The following CDK17 variants were observed in gnomAD, a reference collection of about 807,000 sequenced individuals.
CDK17 encodes the protein cyclin dependent kinase 17.
Under a neutral mutation model 77.6 loss-of-function variants are expected in CDK17, and 24 were observed. The observed-to-expected ratio is 0.31, with a 90% CI of 0.22 to 0.44. CDK17 has a LOEUF of 0.44. Among genes scored for constraint, CDK17 ranks in the 20% least tolerant of loss-of-function variants. The pLI, the probability that CDK17 is intolerant of heterozygous loss-of-function variation, is 1.00. For missense variants in CDK17, 429 were observed against 622.5 expected (o/e 0.69, Z 3.31); for synonymous variants, 203 against 210.4 (o/e 0.96, Z 0.30).
intron 1 of CDK17, among the ~76,000 whole-genome samples, chr12:96,392,090 A>G (rs1175307109): frequency 6.6e-6 from 1 of 152,242 alleles, no homozygotes; most frequent in Non-Finnish European, 1.5e-5. Context: ...ACGCCAGCCA[A>G]AAGAGGGAGA....
chr12:96,368,628 A>T (rs1425199116), intron 1 of CDK17, among the ~76,000 whole-genome samples: 2 of 152,132 alleles, frequency 1.3e-5, no homozygotes, highest in Non-Finnish European at 2.9e-5. Flanking sequence ...CTAAGTAGGA[A>T]ATATCCTCCT....
chr12:96,289,328 T>A (rs767157555), intron 10 of CDK17, 41 bp from the exon 11 acceptor site: 1 of 1,611,482 alleles, frequency 6.2e-7, no homozygotes, highest in East Asian at 2.2e-5. Context: ...GAAAAAGCTT[T>A]AATGGATCTC....
At chr12:96,305,082 G>T (rs1163834960) in intron 5 of CDK17, among the ~76,000 whole-genome samples, 2 of 152,160 alleles carry the variant, frequency 1.3e-5, no homozygotes, top group Admixed American at 1.3e-4. Context: ...TACCATTATC[G>T]TAAGGGCAAG....
chr12:96,364,356 A>C (rs781681992), intron 1 of CDK17, among the ~76,000 whole-genome samples: 1 of 152,194 alleles, frequency 6.6e-6, no homozygotes, highest in African/African-American at 2.4e-5. Flanking sequence ...TGGCCACACC[A>C]TTTTGTATTC....
intron 5 of CDK17, among the ~76,000 whole-genome samples, chr12:96,307,594 G>C (rs1952592338): frequency 6.6e-6 from 1 of 152,118 alleles, no homozygotes; most frequent in South Asian, 2.1e-4. Flanking sequence ...GTCTTGGCCA[G>C]GCACAGTGGC....
chr12:96,357,581 G>T (rs183099097), intron 1 of CDK17, among the ~76,000 whole-genome samples: 21 of 152,240 alleles, frequency 1.4e-4, no homozygotes, highest in Admixed American at 1.3e-3. Context: ...ACTACAGAAA[G>T]GTTATAGTAG....
Position 96,280,188 on chromosome 12 carries a change from G to A in CDK17, c.*54C>T. ...AAGAAATAATTGCCTTCAGTTCTGA[G>A]TCCTTGATTGGTAAGAAAGGCTGGG... On this transcript the variant is annotated 3_prime_UTR_variant, in exon 17 of 17. Transcript: ENST00000261211. The A allele has an allele frequency of 1.3e-6, 2 of 1,533,344 alleles. No homozygotes were observed. Among genetic ancestry groups the A allele is most frequent in the Non-Finnish European group, 8.8e-7 (1 of 1,133,904 alleles). The allele number at this position is 1,533,344 out of a possible 1,614,324, so 95.0% of individuals were successfully genotyped here. A position where few individuals can be genotyped will look rare whatever the true frequency, so the allele number is the denominator to read the frequency against.
intron 1 of CDK17, among the ~76,000 whole-genome samples, chr12:96,344,996 G>A (rs992805372): frequency 6.6e-6 from 1 of 152,112 alleles, no homozygotes; most frequent in Non-Finnish European, 1.5e-5. Flanking sequence ...TCCTCCGACA[G>A]GCCTCAGTTA....
rs376726646 is a variant in CDK17 at position 96,331,807 on chromosome 12, C to G, written c.118+2912G>C. On this transcript the variant is annotated intron_variant, in intron 2 of 16. Transcript: ENST00000261211. ...TCTGGATCTAGAGTATGCATGAGAG[C>G]CATGTGCCTAGATATGCAAGAGTAA... 2.8e-4 allele frequency among the ~76,000 whole-genome samples: 43 copies of G among 152,156 alleles called. 1 individual carries two copies. The highest frequency in any genetic ancestry group is 9.9e-4 in the African/African-American group (41 of 41,500).
intron 2 of CDK17, among the ~76,000 whole-genome samples, chr12:96,332,757 A>G (rs958523658): frequency 6.6e-6 from 1 of 152,212 alleles, no homozygotes; most frequent in African/African-American, 2.4e-5. Flanking sequence ...TAGATCGCCT[A>G]TTTGCCCTTA....
chr12:96,325,265 A>C (rs1952877813), intron 2 of CDK17, among the ~76,000 whole-genome samples: 1 of 152,212 alleles, frequency 6.6e-6, no homozygotes. Context: ...TGTAGCTAAC[A>C]ATCAGGCATA....
rs139105616 is a variant in CDK17 at position 96,315,124 on chromosome 12, T to G, written c.284-1670A>C. 5.2e-3 allele frequency among the ~76,000 whole-genome samples: 790 copies of G among 152,366 alleles called. 6 individuals are homozygous for G. The highest frequency in any genetic ancestry group is 7.7e-3 in the Non-Finnish European group (524 of 68,032). The stretch of plus-strand genomic sequence containing the variant: ...GGAATGGCCTAGATAACTAGATCTC[T>G]TTTTCAAATAAAGTTATATAAAATA... On this transcript the variant is annotated intron_variant, in intron 3 of 16. Transcript: ENST00000261211.
intron 1 of CDK17, among the ~76,000 whole-genome samples, chr12:96,351,929 CCAGA>C (rs1403706729): frequency 3.3e-5 from 5 of 152,028 alleles, no homozygotes; most frequent in African/African-American, 9.7e-5. Context: ...TAAGAATGAG[CCAGA>C]CAAACTATAA....
intron 2 of CDK17, among the ~76,000 whole-genome samples, chr12:96,324,560 A>G (rs916444244): frequency 3.3e-5 from 5 of 152,120 alleles, no homozygotes; most frequent in African/African-American, 1.2e-4. Context: ...TGAGGTCAGG[A>G]GTTTGAGACC....
chr12:96,363,919 G>T (rs911285526), intron 1 of CDK17, among the ~76,000 whole-genome samples: 1 of 152,192 alleles, frequency 6.6e-6, no homozygotes, highest in Non-Finnish European at 1.5e-5. Flanking sequence ...TTCACAGTGC[G>T]AGAAGGCAAC....
chr12:96,336,119 A>G (rs1431640948), intron 1 of CDK17, among the ~76,000 whole-genome samples: 1 of 152,176 alleles, frequency 6.6e-6, no homozygotes, highest in Non-Finnish European at 1.5e-5. Flanking sequence ...GGTATCACAA[A>G]TAAACATAAG....
chr12:96,319,991 G>A (rs1288009402), intron 3 of CDK17, among the ~76,000 whole-genome samples: 4 of 151,354 alleles, frequency 2.6e-5, no homozygotes, highest in African/African-American at 7.3e-5. Context: ...ATTCAATTAG[G>A]AAAAGAGGAA....
chr12:96,364,579 T>C (rs1161412299), intron 1 of CDK17, among the ~76,000 whole-genome samples: 2 of 152,158 alleles, frequency 1.3e-5, no homozygotes, highest in Non-Finnish European at 2.9e-5. Flanking sequence ...CTGTGTTCTG[T>C]TTGGTTTTTG....
intron 1 of CDK17, among the ~76,000 whole-genome samples, chr12:96,359,987 A>C (rs1035806910): frequency 5.3e-5 from 8 of 152,206 alleles, no homozygotes; most frequent in Non-Finnish European, 1.5e-5. Context: ...GTAATTATAG[A>C]TTTGTTTAAT....
Sources: gnomAD v4.1 joint callset for allele counts (sites outside exome capture counted in the v4.1 genomes callset) on GRCh38, gnomAD v4.1.1 for gene constraint, MANE v1.5 for transcripts, NCBI Gene and HGNC (gene_info 2026-07-23, HGNC 2026-07-21) for gene names.